The following CLMP variants were observed in gnomAD, a reference collection of about 807,000 sequenced individuals.
CLMP encodes CXADR-like membrane protein.
CLMP carries 27 observed loss-of-function variants against 45.2 expected under a neutral mutation model. The ratio of observed to expected loss-of-function variants is 0.60; its 90% CI spans 0.44 to 0.82. The LOEUF is 0.82. Among genes scored for constraint, CLMP ranks in the 40% least tolerant of loss-of-function variants. The pLI is 0.00. For missense variants in CLMP, 403 were observed against 448.4 expected (o/e 0.90, Z 0.91); for synonymous variants, 167 against 171.4 (o/e 0.97, Z 0.20).
intron 1 of CLMP, among the ~76,000 whole-genome samples, chr11:123,157,612 C>T (rs544171494): frequency 3.3e-5 from 5 of 151,390 alleles, no homozygotes; most frequent in South Asian, 2.1e-4. Flanking sequence ...CCAGCTACTC[C>T]GGAGGCTGAG....
chr11:123,142,044 G>T (rs1218428872), intron 1 of CLMP, among the ~76,000 whole-genome samples: 1 of 149,306 alleles, frequency 6.7e-6, no homozygotes, highest in African/African-American at 2.5e-5. Flanking sequence ...GAGTACAGTG[G>T]TGTGAGCACG....
intron 1 of CLMP, among the ~76,000 whole-genome samples, chr11:123,156,120 C>T (rs1013014091): frequency 1.3e-5 from 2 of 152,088 alleles, no homozygotes; most frequent in African/African-American, 2.4e-5. Flanking sequence ...GATTACTGTC[C>T]TTATGAGAAG....
At chr11:123,194,765 T>G (rs1356374306) in intron 1 of CLMP, 148 bp downstream of exon 1, 2 of 931,898 alleles carry the variant, frequency 2.1e-6, no homozygotes, top group Non-Finnish European at 3.4e-6. Context: ...TTGCCAGATG[T>G]GCTCCTCCGT....
intron 5 of CLMP, among the ~76,000 whole-genome samples, chr11:123,078,196 G>A (rs1299116730): frequency 6.6e-6 from 1 of 151,972 alleles, no homozygotes; most frequent in Non-Finnish European, 1.5e-5. Flanking sequence ...AAATATTACT[G>A]GATAAAATGG....
chr11:123,150,451 GAAA>G (rs1484803312), intron 1 of CLMP, among the ~76,000 whole-genome samples: 2 of 86,958 alleles, frequency 2.3e-5, no homozygotes, highest in African/African-American at 9.2e-5. Flanking sequence ...AAGAAAGAAA[GAAA>G]GAAAGAAAGA....
At chr11:123,111,940 C>T (rs569005094) in intron 1 of CLMP, among the ~76,000 whole-genome samples, 13 of 152,124 alleles carry the variant, frequency 8.5e-5, no homozygotes, top group South Asian at 2.1e-4. Flanking sequence ...TTTTTAGAGA[C>T]GGTATTTCAC....
chr11:123,098,169 C>T (rs540062011), intron 1 of CLMP, among the ~76,000 whole-genome samples: 1 of 152,278 alleles, frequency 6.6e-6, no homozygotes, highest in East Asian at 1.9e-4. Context: ...CAAATTACAT[C>T]CTACTAGTGC....
rs57039623 is a variant in CLMP, at chr11:123,116,341, C to T, written c.29-18389G>A. Reference sequence around the variant, plus strand: ...CAGCACTCTGGGATGCCGAGACAGGCGGATCACCTGAGATCAGTAGTTCGA... The same window carrying T: ...CAGCACTCTGGGATGCCGAGACAGGTGGATCACCTGAGATCAGTAGTTCGA... On this transcript the variant is annotated intron_variant, in intron 1 of 6. Transcript: ENST00000448775. Among the ~76,000 whole-genome samples, 1,127 of 151,876 alleles carry T rather than the reference C, an allele frequency of 7.4e-3. 15 individuals are homozygous for T. The highest frequency in any genetic ancestry group is 0.026 in the African/African-American group (1,076 of 41,384).
chr11:123,139,117 C>T (rs1861119196), intron 1 of CLMP, among the ~76,000 whole-genome samples: 1 of 152,144 alleles, frequency 6.6e-6, no homozygotes, highest in African/African-American at 2.4e-5. Context: ...TTTCACACTA[C>T]AGCAGCAGCA....
chr11:123,073,918 G>A, intron 6 of CLMP, 144 bp from the exon 7 acceptor site: 3 of 764,336 alleles, frequency 3.9e-6, no homozygotes, highest in Non-Finnish European at 6.3e-6. Context: ...GTGCTTCCTC[G>A]TATCTTAAGA....
intron 1 of CLMP, among the ~76,000 whole-genome samples, chr11:123,121,358 C>T (rs1339992686): frequency 6.6e-6 from 1 of 152,026 alleles, no homozygotes; most frequent in Non-Finnish European, 1.5e-5. Context: ...AGTGCAGTGG[C>T]ACAATCTCGG....
intron 1 of CLMP, among the ~76,000 whole-genome samples, chr11:123,150,720 T>TTTTTG (rs1194384834): frequency 7.9e-5 from 12 of 152,138 alleles, no homozygotes; most frequent in South Asian, 6.2e-4. Context: ...ATGACTTCTT[T>TTTTTG]TTTTGTTTTG....
intron 1 of CLMP, among the ~76,000 whole-genome samples, chr11:123,127,030 T>C (rs557894529): frequency 9.9e-4 from 151 of 152,208 alleles, no homozygotes; most frequent in African/African-American, 3.5e-3. Context: ...TTAAATATAA[T>C]TAAGTGTATA....
Position 123,072,608 on chromosome 11 carries a change from G to A in CLMP, c.*866C>T, listed in dbSNP as rs921104669. The A allele has an allele frequency of 5.3e-5, 8 of 152,130 alleles. No homozygotes were observed. The highest frequency in any genetic ancestry group is 4.1e-4 in the South Asian group (2 of 4,828). 9.4% of individuals were successfully genotyped at this position (152,130 alleles called of 1,614,324 possible). Reference sequence around the variant, plus strand: ...CTCTAGAAGAATTCTTTCTAAGGACGTTGATAAATGACATGTTGTATTTTC... The same window carrying A: ...CTCTAGAAGAATTCTTTCTAAGGACATTGATAAATGACATGTTGTATTTTC... On this transcript the variant is annotated 3_prime_UTR_variant, in exon 7 of 7. Coordinates refer to ENST00000448775, the MANE Select transcript of CLMP (RefSeq NM_024769.5).
At chr11:123,169,370 T>G (rs1591485295) in intron 1 of CLMP, among the ~76,000 whole-genome samples, 1 of 152,294 alleles carries the variant, frequency 6.6e-6, no homozygotes, top group African/African-American at 2.4e-5. Context: ...CAGATCTGGG[T>G]TTTTTTAGCG....
chr11:123,112,612 G>T (rs1440295961), intron 1 of CLMP, among the ~76,000 whole-genome samples: 2 of 151,690 alleles, frequency 1.3e-5, no homozygotes, highest in African/African-American at 4.8e-5. Context: ...TGCTGGGATC[G>T]CAGGCGTGAG....
At chr11:123,091,819 C>A (rs1865935044) in intron 2 of CLMP, among the ~76,000 whole-genome samples, 1 of 152,168 alleles carries the variant, frequency 6.6e-6, no homozygotes, top group Admixed American at 6.6e-5. Context: ...GTTTGTGTAG[C>A]AAAGCTCACC....
At chr11:123,100,854 C>T (rs964704166) in intron 1 of CLMP, among the ~76,000 whole-genome samples, 3 of 151,804 alleles carry the variant, frequency 2.0e-5, no homozygotes, top group African/African-American at 7.3e-5. Context: ...TGGCATCCTC[C>T]CCAAAACAGG....
intron 1 of CLMP, chr11:123,188,945 T>C (rs997977911): frequency 3.9e-5 from 6 of 152,188 alleles, no homozygotes; most frequent in Non-Finnish European, 5.9e-5. Context: ...AGGTGAGTCA[T>C]ACCCAATCCA....
Sources: allele counts gnomAD v4.1 joint callset (sites outside exome capture counted in the v4.1 genomes callset), GRCh38; gene constraint gnomAD v4.1.1; transcripts MANE v1.5; gene names NCBI Gene and HGNC (gene_info 2026-07-23, HGNC 2026-07-21).